The following ZNF827 variants were observed in gnomAD, a reference collection of about 807,000 sequenced individuals.
ZNF827 encodes zinc finger protein 827.
ZNF827 carries 13 observed loss-of-function variants against 102.4 expected under a neutral mutation model. That is an observed-to-expected ratio of 0.13 (90% confidence interval 0.08 to 0.20). The LOEUF is 0.20. ZNF827 is among the 10% of genes least tolerant of loss of function. The pLI, the probability that ZNF827 is intolerant of heterozygous loss-of-function variation, is 1.00. For synonymous variants in ZNF827, 523 were observed against 536.2 expected (o/e 0.98, Z 0.34); for missense variants, 1,103 against 1,344.4 (o/e 0.82, Z 2.81).
intron 5 of ZNF827, among the ~76,000 whole-genome samples, chr4:145,869,308 C>T (rs997423194): frequency 6.6e-6 from 1 of 152,212 alleles, no homozygotes; most frequent in Non-Finnish European, 1.5e-5. Flanking sequence ...ACCAGAAACA[C>T]AGTCAGAACT....
chr4:145,802,981 A>G (rs1741062654), intron 8 of ZNF827, among the ~76,000 whole-genome samples: 1 of 152,134 alleles, frequency 6.6e-6, no homozygotes, highest in South Asian at 2.1e-4. Context: ...AGATTAAAAA[A>G]TTGCAGACAT....
At chr4:145,918,391 G>A (rs9790557) in intron 1 of ZNF827, among the ~76,000 whole-genome samples, 7 of 90,124 alleles carry the variant, frequency 7.8e-5, no homozygotes, top group South Asian at 3.9e-4. Context: ...CTGCTCTCCA[G>A]AACAGGTACT....
chr4:145,779,668 C>A (rs1737665183), intron 8 of ZNF827, among the ~76,000 whole-genome samples, 157 bp from the exon 9 acceptor site: 1 of 152,230 alleles, frequency 6.6e-6, no homozygotes, highest in Non-Finnish European at 1.5e-5. Flanking sequence ...CATTTCCTGT[C>A]TCTAAGAAGG....
intron 5 of ZNF827, 118 bp downstream of exon 5, chr4:145,870,127 T>C: frequency 3.1e-6 from 3 of 952,588 alleles, no homozygotes; most frequent in Non-Finnish European, 4.7e-6. Context: ...TTCTTTGAAT[T>C]CACAGCAATA....
chr4:145,787,280 T>C (rs558861347), intron 8 of ZNF827, among the ~76,000 whole-genome samples: 5 of 152,048 alleles, frequency 3.3e-5, no homozygotes, highest in Non-Finnish European at 5.9e-5. Context: ...CTGGCCAACA[T>C]AGTGACACCC....
intron 7 of ZNF827, among the ~76,000 whole-genome samples, chr4:145,840,248 C>T (rs373488914): frequency 6.6e-6 from 1 of 152,368 alleles, no homozygotes; most frequent in East Asian, 1.9e-4. Flanking sequence ...CTCAAGTCCG[C>T]ATGTGTGTCA....
At chr4:145,859,559 A>G (rs772304826) in intron 5 of ZNF827, among the ~76,000 whole-genome samples, 1 of 152,180 alleles carries the variant, frequency 6.6e-6, no homozygotes, top group Non-Finnish European at 1.5e-5. Context: ...TTCTGGAGAT[A>G]CAGAGTGCAT....
At chr4:145,775,714 C>T in intron 10 of ZNF827, 75 bp downstream of exon 10, 1 of 1,558,512 alleles carries the variant, frequency 6.4e-7, no homozygotes. Flanking sequence ...GATGTATGCC[C>T]ACAGCAGACA....
At chr4:145,937,698 C>T (rs1307053063) in intron 1 of ZNF827, among the ~76,000 whole-genome samples, 1 of 145,732 alleles carries the variant, frequency 6.9e-6, no homozygotes, top group African/African-American at 2.5e-5. Flanking sequence ...CCCCGACTCC[C>T]CTCCTCCGCC....
chr4:145,870,144 T>C (rs541656920), intron 5 of ZNF827, 101 bp downstream of exon 5: 2 of 1,082,720 alleles, frequency 1.8e-6, no homozygotes, highest in East Asian at 2.5e-5. Flanking sequence ...AATAATGCGA[T>C]ATTGCTGCCA....
intron 1 of ZNF827, among the ~76,000 whole-genome samples, chr4:145,932,529 T>C (rs999618750): frequency 1.1e-4 from 16 of 151,088 alleles, no homozygotes; most frequent in Admixed American, 4.0e-4. Context: ...GGCTGGAGTG[T>C]AGTGGCACAA....
At chr4:145,845,845 A>C in intron 7 of ZNF827, 111 bp downstream of exon 7, 1 of 1,036,998 alleles carries the variant, frequency 9.6e-7, no homozygotes. Flanking sequence ...AAAGGGTGTG[A>C]CTCCTTTGAA....
At chr4:145,817,989 G>A (rs1436184401) in intron 8 of ZNF827, among the ~76,000 whole-genome samples, 1 of 152,050 alleles carries the variant, frequency 6.6e-6, no homozygotes, top group African/African-American at 2.4e-5. Context: ...GATATTACTA[G>A]ATATCAAAGC....
chr4:145,776,254 C>T (rs369754458), intron 9 of ZNF827, among the ~76,000 whole-genome samples: 2 of 151,916 alleles, frequency 1.3e-5, no homozygotes, highest in Admixed American at 6.6e-5. Context: ...GACAGGAGCT[C>T]GAGACCAGCC....
At chr4:145,891,409 C>T (rs1220026742) in intron 3 of ZNF827, among the ~76,000 whole-genome samples, 1 of 152,218 alleles carries the variant, frequency 6.6e-6, no homozygotes, top group African/African-American at 2.4e-5. Flanking sequence ...CTTTTGATCC[C>T]ATGAGTTTCC....
intron 2 of ZNF827, among the ~76,000 whole-genome samples, chr4:145,894,959 T>C (rs370973364): frequency 1.3e-5 from 2 of 152,252 alleles, no homozygotes; most frequent in East Asian, 3.9e-4. Flanking sequence ...GGCCTCTAGG[T>C]GAAATTATTG....
intron 1 of ZNF827, among the ~76,000 whole-genome samples, chr4:145,929,618 T>C (rs1263988307): frequency 2.0e-5 from 3 of 152,108 alleles, no homozygotes; most frequent in African/African-American, 7.2e-5. Context: ...CATATCATAT[T>C]ATTATTACTC....
chr4:145,845,523 A>G (rs539502289), intron 7 of ZNF827, among the ~76,000 whole-genome samples: 1 of 152,232 alleles, frequency 6.6e-6, no homozygotes, highest in Non-Finnish European at 1.5e-5. Context: ...GTGACAAATT[A>G]TCAGCCTATA....
At chr4:145,852,487 T>C (rs1462476853) in intron 5 of ZNF827, among the ~76,000 whole-genome samples, 1 of 152,194 alleles carries the variant, frequency 6.6e-6, no homozygotes, top group African/African-American at 2.4e-5. Context: ...GGAGAGGAGT[T>C]TTCAAACTAA....
Sources: gnomAD v4.1 joint callset for allele counts (sites outside exome capture counted in the v4.1 genomes callset) on GRCh38, gnomAD v4.1.1 for gene constraint, MANE v1.5 for transcripts, NCBI Gene and HGNC (gene_info 2026-07-23, HGNC 2026-07-21) for gene names.